Variants in FOXP1 observed in about 807,000 individuals in gnomAD.
FOXP1 encodes the protein forkhead box protein P1.
A neutral mutation model predicts 98.2 loss-of-function variants in FOXP1; 15 were observed. The ratio of observed to expected loss-of-function variants is 0.15; its 90% confidence interval spans 0.10 to 0.24. The LOEUF (loss-of-function observed/expected upper bound fraction) is 0.24, where lower values mean the gene tolerates loss of function less well. Among genes scored for constraint, FOXP1 ranks in the 10% least tolerant of loss-of-function variants. The probability of loss-of-function intolerance (pLI) is 1.00; values close to 1 mark genes in which losing one functional copy is unlikely to be tolerated. For missense variants in FOXP1, 633 were observed against 848.5 expected (o/e 0.75, Z 3.15); for synonymous variants, 371 against 314.5 (o/e 1.18, Z -1.90).
At chr3:71,434,432 G>T (rs2085020216) in intron 3 of FOXP1, among the ~76,000 whole-genome samples, 1 of 152,124 alleles carries the variant, frequency 6.6e-6, no homozygotes, top group Admixed American at 6.6e-5. Context: ...CTCAATACAG[G>T]AGTCCAGAAA....
At chr3:71,185,986 CTCT>C (rs1023156282) in intron 6 of FOXP1, among the ~76,000 whole-genome samples, 6 of 152,212 alleles carry the variant, frequency 3.9e-5, no homozygotes, top group African/African-American at 1.4e-4. Context: ...TCATATACAT[CTCT>C]TCTACAGTTT....
At chr3:70,970,915 C>CA (rs1458505331) in intron 18 of FOXP1, 110 bp from the exon 19 acceptor site, 14 of 830,950 alleles carry the variant, frequency 1.7e-5, no homozygotes, top group Non-Finnish European at 2.9e-5. Flanking sequence ...CAATTTCCCC[C>CA]ACTAGCAAAA....
At chr3:71,284,456 C>T (rs1038942775) in intron 5 of FOXP1, among the ~76,000 whole-genome samples, 4 of 151,972 alleles carry the variant, frequency 2.6e-5, no homozygotes, top group South Asian at 2.1e-4. Context: ...CTAAGCTACT[C>T]GGGAGCTGAT....
intron 14 of FOXP1, among the ~76,000 whole-genome samples, chr3:70,986,571 C>T (rs955777877): frequency 7.9e-5 from 12 of 152,210 alleles, no homozygotes; most frequent in African/African-American, 2.7e-4. Flanking sequence ...TATGCTTCTT[C>T]GAGATGACTT....
chr3:71,297,489 C>T (rs1048381179), intron 5 of FOXP1, among the ~76,000 whole-genome samples: 2 of 93,050 alleles, frequency 2.1e-5, no homozygotes, highest in African/African-American at 9.0e-5. Flanking sequence ...CAGGTGATTA[C>T]AAAAAAAAAA....
chr3:71,039,647 A>G (rs1026302066), intron 11 of FOXP1, among the ~76,000 whole-genome samples: 3 of 152,116 alleles, frequency 2.0e-5, no homozygotes, highest in African/African-American at 4.8e-5. Flanking sequence ...ATGTAATTCA[A>G]TCGCTCTGCA....
intron 7 of FOXP1, among the ~76,000 whole-genome samples, chr3:71,100,657 GTCT>G (rs2056873425): frequency 6.6e-6 from 1 of 152,128 alleles, no homozygotes; most frequent in Admixed American, 6.5e-5. Flanking sequence ...ATCACCAAAG[GTCT>G]TCTCTCTAAA....
At chr3:71,561,675 C>T (rs771311079) in intron 2 of FOXP1, among the ~76,000 whole-genome samples, 6 of 152,082 alleles carry the variant, frequency 3.9e-5, no homozygotes, top group Admixed American at 6.5e-5. Context: ...TTTTGAATGC[C>T]GTGGTGGTTG....
intron 6 of FOXP1, among the ~76,000 whole-genome samples, chr3:71,178,138 CTTTTT>C (rs566282356): frequency 8.9e-6 from 1 of 111,896 alleles, no homozygotes; most frequent in African/African-American, 3.0e-5. Flanking sequence ...CCCAGTCAGT[CTTTTT>C]TTTTTTTTTT....
chr3:71,494,140 G>A (rs1346281255), intron 2 of FOXP1, among the ~76,000 whole-genome samples: 1 of 152,088 alleles, frequency 6.6e-6, no homozygotes. Flanking sequence ...CGGTGCGATG[G>A]TCAGGGCTCA....
At position 70,954,836 on chromosome 3, in the gene FOXP1, C is replaced by T. The variant is rs193042825; in HGVS notation, c.*4411G>A. On this transcript the variant is annotated 3_prime_UTR_variant, in exon 21 of 21. Coordinates refer to ENST00000649528, the MANE Select transcript of FOXP1 (RefSeq NM_001349338.3). ...CCGCAGACATGGAATGATGGAATTA[C>T]AGTTGATGTCAAGGAATGAGTTTCT... The T allele has an allele frequency of 4.6e-4, 107 of 232,356 alleles. 1 individual carries two copies. The East Asian group carries it at 6.0e-3, about 13-fold the overall frequency. 14.4% of individuals were successfully genotyped at this position (232,356 alleles called of 1,614,324 possible).
chr3:71,024,598 G>A (rs753302062), intron 11 of FOXP1, among the ~76,000 whole-genome samples: 20 of 152,146 alleles, frequency 1.3e-4, no homozygotes, highest in African/African-American at 2.2e-4. Context: ...TCCCCAGAAC[G>A]CTCATCATCT....
rs79296777 is a variant in FOXP1, at chr3:71,069,436, T to C, written c.283-15663A>G. Among the ~76,000 whole-genome samples the C allele has an allele frequency of 2.4e-4, 36 of 152,334 alleles. No individual in the cohort carries two copies. The East Asian group carries it at 6.6e-3, about 28-fold the overall frequency. On this transcript the variant is annotated intron_variant, in intron 7 of 20. Transcript: ENST00000649528. ...CCTTTCCTAACTCTGCATTTGACAG[T>C]AATAAATTACCCTCTCTCATTTATG...
intron 5 of FOXP1, among the ~76,000 whole-genome samples, chr3:71,280,847 A>T (rs1053279038): frequency 6.6e-6 from 1 of 151,818 alleles, no homozygotes; most frequent in Non-Finnish European, 1.5e-5. Flanking sequence ...TGTTTTCCTT[A>T]CTGTTTGTTT....
At chr3:71,577,025 C>T (rs937602042) in intron 2 of FOXP1, among the ~76,000 whole-genome samples, 1 of 152,166 alleles carries the variant, frequency 6.6e-6, no homozygotes, top group Non-Finnish European at 1.5e-5. Flanking sequence ...CATCCACAAG[C>T]CAATCTGGTC....
intron 2 of FOXP1, among the ~76,000 whole-genome samples, chr3:71,512,691 T>C (rs1410179708): frequency 6.6e-6 from 1 of 152,192 alleles, no homozygotes; most frequent in Non-Finnish European, 1.5e-5. Context: ...AGCTGGTCAC[T>C]ACCCAGTAGA....
intron 6 of FOXP1, among the ~76,000 whole-genome samples, chr3:71,141,129 G>A (rs955090699): frequency 9.9e-5 from 15 of 151,820 alleles, no homozygotes; most frequent in African/African-American, 3.6e-4. Context: ...TTAGCCAGGC[G>A]TGGTGGCAGG....
intron 3 of FOXP1, among the ~76,000 whole-genome samples, chr3:71,405,099 G>A (rs1047033981): frequency 2.6e-5 from 4 of 152,218 alleles, no homozygotes; most frequent in African/African-American, 9.6e-5. Context: ...TGCCTTGCCA[G>A]CCTTTACGTG....
chr3:71,416,599 A>G (rs879897420), intron 3 of FOXP1, among the ~76,000 whole-genome samples: 6 of 149,584 alleles, frequency 4.0e-5, no homozygotes, highest in South Asian at 2.1e-4. Context: ...CACACGCAAA[A>G]AAAAATGACG....
Sources: gnomAD v4.1 joint callset for allele counts (sites outside exome capture counted in the v4.1 genomes callset) on GRCh38, gnomAD v4.1.1 for gene constraint, MANE v1.5 for transcripts, NCBI Gene and HGNC (gene_info 2026-07-23, HGNC 2026-07-21) for gene names.